Variants in TIAM2 observed in about 807,000 individuals in gnomAD.
TIAM2 encodes the protein rho guanine nucleotide exchange factor TIAM2.
A neutral mutation model predicts 152.9 loss-of-function variants in TIAM2; 80 were observed. The ratio of observed to expected loss-of-function variants is 0.52; its 90% CI spans 0.44 to 0.63. The LOEUF (loss-of-function observed/expected upper bound fraction) is 0.63, where lower values mean the gene tolerates loss of function less well. TIAM2 is among the 30% of genes least tolerant of loss of function. The pLI, the probability that TIAM2 is intolerant of heterozygous loss-of-function variation, is 0.00. For missense variants in TIAM2, 1,965 were observed against 2,120.1 expected (o/e 0.93, Z 1.44); for synonymous variants, 804 against 838.0 (o/e 0.96, Z 0.70).
intron 2 of TIAM2, among the ~76,000 whole-genome samples, chr6:155,094,547 T>C (rs868386166): frequency 0.061 from 309 of 5,098 alleles, 2 homozygotes; most frequent in African/African-American, 0.12. Flanking sequence ...TCACTCAGAC[T>C]TTTTTTTTTT....
At chr6:155,182,172 G>A in intron 12 of TIAM2, 54 bp from the exon 13 acceptor site, 4 of 1,476,238 alleles carry the variant, frequency 2.7e-6, no homozygotes, top group Non-Finnish European at 2.8e-6. Context: ...TGTGGTTGGA[G>A]AAATTCAGTG....
At chr6:155,066,246 C>T (rs1022592672) in intron 1 of TIAM2, among the ~76,000 whole-genome samples, 3 of 87,752 alleles carry the variant, frequency 3.4e-5, no homozygotes, top group Non-Finnish European at 5.2e-5. Context: ...CTTTTTGAAG[C>T]CTCCACTTCC....
At chr6:155,167,862 C>T (rs1000990187) in intron 9 of TIAM2, among the ~76,000 whole-genome samples, 1 of 152,136 alleles carries the variant, frequency 6.6e-6, no homozygotes, top group African/African-American at 2.4e-5. Flanking sequence ...TTAATCAAGA[C>T]AGTATATTCG....
At chr6:155,059,122 A>G (rs1247487016) in intron 1 of TIAM2, among the ~76,000 whole-genome samples, 4 of 152,188 alleles carry the variant, frequency 2.6e-5, no homozygotes, top group African/African-American at 9.7e-5. Context: ...TTTTCCACTA[A>G]TGTAGGTTTT....
intron 15 of TIAM2, among the ~76,000 whole-genome samples, chr6:155,221,782 C>T (rs56941595): frequency 0.016 from 2,393 of 152,142 alleles, 64 homozygotes; most frequent in African/African-American, 0.055. Flanking sequence ...CCTCTATTTC[C>T]AGATCTTTAT....
intron 5 of TIAM2, among the ~76,000 whole-genome samples, chr6:155,138,189 A>G (rs1779599892): frequency 6.6e-6 from 1 of 152,200 alleles, no homozygotes; most frequent in Non-Finnish European, 1.5e-5. Flanking sequence ...ATAGGTATTT[A>G]GCTTATTTAT....
At chr6:155,108,711 G>A (rs1206534180) in intron 2 of TIAM2, among the ~76,000 whole-genome samples, 1 of 151,936 alleles carries the variant, frequency 6.6e-6, no homozygotes, top group African/African-American at 2.4e-5. Context: ...GGGTAAGTGG[G>A]TCCTTCACTT....
chr6:155,226,265 T>G (rs1024148260), intron 15 of TIAM2, among the ~76,000 whole-genome samples: 1 of 152,228 alleles, frequency 6.6e-6, no homozygotes, highest in Non-Finnish European at 1.5e-5. Context: ...GAAGGTGTCA[T>G]AAGATACTAA....
intron 16 of TIAM2, 25 bp from the exon 17 acceptor site, chr6:155,243,986 G>C (rs1374415316): frequency 6.2e-7 from 1 of 1,605,492 alleles, no homozygotes; most frequent in Non-Finnish European, 8.5e-7. Flanking sequence ...AAGCGTTGAA[G>C]ACACTTTCTT....
intron 7 of TIAM2, among the ~76,000 whole-genome samples, chr6:155,150,549 T>G (rs1362439502): frequency 1.3e-5 from 2 of 152,034 alleles, no homozygotes; most frequent in African/African-American, 4.8e-5. Context: ...GAGTCAAAGG[T>G]TTGGGAAGTG....
chr6:155,188,769 A>G (rs147391668), intron 14 of TIAM2, among the ~76,000 whole-genome samples: 1 of 152,348 alleles, frequency 6.6e-6, no homozygotes, highest in Non-Finnish European at 1.5e-5. Context: ...GTTTCTGAAT[A>G]AAGTCTTTAT....
chr6:155,174,798 A>G lies in TIAM2; in HGVS notation c.2362-2018A>G, dbSNP rs575039382. Among the ~76,000 whole-genome samples the G allele has an allele frequency of 4.3e-3, 653 of 152,264 alleles. 9 individuals are homozygous for G. Among genetic ancestry groups the G allele is most frequent in the African/African-American group, 0.015 (620 of 41,544 alleles). Reference sequence around the variant, plus strand: ...CATAATTACGTTCTTCCTGATCTCCAAAAGTGCAGCAGTAAATTAATTGCT... The same window carrying G: ...CATAATTACGTTCTTCCTGATCTCCGAAAGTGCAGCAGTAAATTAATTGCT... On this transcript the variant is annotated intron_variant, in intron 9 of 26. Transcript: ENST00000682666. The surrounding 1 kb of genome is among the most constrained non-coding windows in gnomAD (Gnocchi z 4.2).
intron 2 of TIAM2, among the ~76,000 whole-genome samples, chr6:155,118,907 C>G (rs1439844157): frequency 6.6e-6 from 1 of 151,234 alleles, no homozygotes; most frequent in Non-Finnish European, 1.5e-5. Flanking sequence ...AGCCCATGGA[C>G]CTAATCTGTG....
At chr6:155,224,120 G>T (rs756688155) in intron 15 of TIAM2, among the ~76,000 whole-genome samples, 1 of 151,614 alleles carries the variant, frequency 6.6e-6, no homozygotes, top group African/African-American at 2.4e-5. Flanking sequence ...ATATTCTTGC[G>T]TAGAGATTGT....
At chr6:155,051,198 T>G (rs1777308449) in intron 1 of TIAM2, among the ~76,000 whole-genome samples, 1 of 152,094 alleles carries the variant, frequency 6.6e-6, no homozygotes, top group South Asian at 2.1e-4. Flanking sequence ...ACGGAAGCAC[T>G]TGGTCTCCAG....
chr6:155,115,043 G>T (rs1057371521), intron 2 of TIAM2, among the ~76,000 whole-genome samples: 1 of 151,750 alleles, frequency 6.6e-6, no homozygotes, highest in Non-Finnish European at 1.5e-5. Flanking sequence ...GGCCAGGCTG[G>T]TCTCAAACTC....
chr6:155,013,035 A>G (rs757935169), intron 1 of TIAM2, among the ~76,000 whole-genome samples: 37 of 152,104 alleles, frequency 2.4e-4, no homozygotes, highest in Non-Finnish European at 4.9e-4. Flanking sequence ...AAGTCTGGCC[A>G]TTATGCTCGG....
Position 155,034,013 on chromosome 6 carries a change from G to A in TIAM2, c.-209+38521G>A, listed in dbSNP as rs1487198893. Among the ~76,000 whole-genome samples the A allele has an allele frequency of 2.7e-5, 4 of 150,668 alleles. No homozygotes were observed. The East Asian group carries it at 6.0e-4, about 22-fold the overall frequency. ...ATTACAGGCGTGAGCCACCGCACCC[G>A]GCCTCTCTTGGCTTTCTTCTCTGTT... On this transcript the variant is annotated intron_variant, in intron 1 of 26. Transcript: ENST00000682666.
At position 155,256,978 on chromosome 6, in the gene TIAM2, C is replaced by T. The variant is rs1305455470; in HGVS notation, c.4963C>T (p.Arg1655Cys). The change falls in exon 27 of 27, where the codon CGT (arginine) becomes TGT (cysteine). Residue 1655 changes from arginine (R) to cysteine (C), a missense_variant. Arg to Cys is a radical substitution (Grantham distance 180). This residue lies in a region of TIAM2 where 935 missense variants were observed against 980.0 expected (regional missense o/e 0.95). Coordinates refer to ENST00000682666, the MANE Select transcript of TIAM2 (RefSeq NM_012454.4). ...DRGTLLKAQI[R>C]HQSLDSQSEN... ...AGGAACTTTGCTCAAGGCGCAGATC[C>T]GTCACCAGTCCCTTGACAGTCAGTC... 7 of 1,614,036 alleles carry T rather than the reference C, an allele frequency of 4.3e-6. No homozygotes were observed. The highest frequency in any genetic ancestry group is 2.2e-5 in the East Asian group (1 of 44,894).
Sources: allele counts gnomAD v4.1 joint callset (sites outside exome capture counted in the v4.1 genomes callset), GRCh38; gene constraint gnomAD v4.1.1; regional missense constraint gnomAD v4.1.1; non-coding constraint Gnocchi (gnomAD v3.1); transcripts MANE v1.5; gene names NCBI Gene and HGNC (gene_info 2026-07-23, HGNC 2026-07-21).